Variants in RALYL observed in about 807,000 individuals in gnomAD.
RALYL encodes RALY RNA binding protein like.
A neutral mutation model predicts 35.1 loss-of-function variants in RALYL; 29 were observed. That is an observed-to-expected ratio of 0.83 (90% confidence interval 0.61 to 1.13). The LOEUF is 1.13. Ranked by LOEUF, RALYL falls within the 50% of genes most tolerant of loss-of-function variation. The pLI, the probability that RALYL is intolerant of heterozygous loss-of-function variation, is 0.00. For missense variants in RALYL, 359 were observed against 360.4 expected, an observed-to-expected ratio of 1.00 and a Z score of 0.03; for synonymous variants, 120 against 127.6, an observed-to-expected ratio of 0.94 and a Z score of 0.40.
At chr8:84,569,400 G>A (rs1026951416) in intron 2 of RALYL, among the ~76,000 whole-genome samples, 11 of 151,820 alleles carry the variant, frequency 7.2e-5, no homozygotes, top group Non-Finnish European at 2.9e-5. Flanking sequence ...CTGTCCCATT[G>A]ATCTATATTT....
chr8:84,257,506 G>C (rs930346784), intron 1 of RALYL, among the ~76,000 whole-genome samples: 2 of 152,024 alleles, frequency 1.3e-5, no homozygotes, highest in Non-Finnish European at 2.9e-5. Flanking sequence ...AAAATACCAG[G>C]TGCAGCCATA....
At chr8:84,306,999 G>A (rs1841947178) in intron 1 of RALYL, among the ~76,000 whole-genome samples, 1 of 151,938 alleles carries the variant, frequency 6.6e-6, no homozygotes, top group Non-Finnish European at 1.5e-5. Context: ...TGGGGGGAAT[G>A]ACAAGTTCTA....
At chr8:84,492,315 G>A (rs1164124833) in intron 1 of RALYL, among the ~76,000 whole-genome samples, 1 of 152,012 alleles carries the variant, frequency 6.6e-6, no homozygotes, top group Non-Finnish European at 1.5e-5. Context: ...CCTAATTTAT[G>A]CATATAATTC....
intron 2 of RALYL, among the ~76,000 whole-genome samples, chr8:84,727,562 G>C (rs1194726592): frequency 6.6e-6 from 1 of 151,532 alleles, no homozygotes; most frequent in Non-Finnish European, 1.5e-5. Context: ...ATGCTGGTGC[G>C]CTGCACCCAC....
At chr8:84,724,632 A>C (rs1844607527) in intron 2 of RALYL, among the ~76,000 whole-genome samples, 1 of 151,732 alleles carries the variant, frequency 6.6e-6, no homozygotes, top group Non-Finnish European at 1.5e-5. Flanking sequence ...GTTATTTTCC[A>C]AGTCATTTTA....
At chr8:84,409,669 C>T (rs1033127965) in intron 1 of RALYL, among the ~76,000 whole-genome samples, 2 of 151,914 alleles carry the variant, frequency 1.3e-5, no homozygotes, top group Non-Finnish European at 1.5e-5. Context: ...CTTTTTCCAT[C>T]GTATACTCCT....
intron 5 of RALYL, among the ~76,000 whole-genome samples, chr8:84,851,958 T>C (rs1835942145): frequency 6.6e-6 from 1 of 152,238 alleles, no homozygotes; most frequent in African/African-American, 2.4e-5. Context: ...TCAGTTTTGC[T>C]TATCTTTGTA....
At chr8:84,722,594 G>A in intron 2 of RALYL, among the ~76,000 whole-genome samples, 1 of 127,492 alleles carries the variant, frequency 7.8e-6, no homozygotes, top group Non-Finnish European at 1.6e-5. Context: ...ATGTCTCAAG[G>A]TCAGTATATT....
intron 1 of RALYL, among the ~76,000 whole-genome samples, chr8:84,209,473 A>T (rs1818922937): frequency 6.6e-6 from 1 of 152,210 alleles, no homozygotes; most frequent in Non-Finnish European, 1.5e-5. Flanking sequence ...GGATGGGAAC[A>T]TCTAACTCTA....
At chr8:84,914,481 CATT>C (rs1429761796) in intron 8 of RALYL, among the ~76,000 whole-genome samples, 1 of 151,912 alleles carries the variant, frequency 6.6e-6, no homozygotes, top group Non-Finnish European at 1.5e-5. Flanking sequence ...ATACAATCAT[CATT>C]ATCTTCAGAA....
At chr8:84,541,111 GAAT>G (rs2059990486) in intron 2 of RALYL, among the ~76,000 whole-genome samples, 1 of 151,190 alleles carries the variant, frequency 6.6e-6, no homozygotes, top group Admixed American at 6.6e-5. Flanking sequence ...CATTACTCTG[GAAT>G]AATATCCTTT....
intron 2 of RALYL, among the ~76,000 whole-genome samples, chr8:84,645,236 C>A (rs566898762): frequency 6.6e-6 from 1 of 151,938 alleles, no homozygotes; most frequent in Admixed American, 6.6e-5. Flanking sequence ...GTTTTCCCCC[C>A]ACTATGTTGT....
At chr8:84,513,088 T>C (rs1390219245) in intron 1 of RALYL, among the ~76,000 whole-genome samples, 1 of 152,196 alleles carries the variant, frequency 6.6e-6, no homozygotes, top group African/African-American at 2.4e-5. Context: ...GAAATTATAT[T>C]GTAACTGTAG....
intron 1 of RALYL, among the ~76,000 whole-genome samples, chr8:84,461,067 C>T (rs968319589): frequency 6.6e-6 from 1 of 151,540 alleles, no homozygotes; most frequent in South Asian, 2.1e-4. Flanking sequence ...AGTGCATATG[C>T]ATTATTTACA....
chr8:84,446,438 CT>C (rs1284719933), intron 1 of RALYL, among the ~76,000 whole-genome samples: 1 of 151,872 alleles, frequency 6.6e-6, no homozygotes, highest in South Asian at 2.1e-4. Context: ...TCTGGAAGGG[CT>C]TTTTAGGGTT....
At chr8:84,462,130 A>T (rs562114983) in intron 1 of RALYL, among the ~76,000 whole-genome samples, 12 of 148,086 alleles carry the variant, frequency 8.1e-5, no homozygotes, top group East Asian at 4.0e-4. Context: ...TTTTATTTTT[A>T]TTTTTTTTTA....
At chr8:84,252,861 T>A (rs1830465417) in intron 1 of RALYL, among the ~76,000 whole-genome samples, 1 of 152,174 alleles carries the variant, frequency 6.6e-6, no homozygotes, top group Non-Finnish European at 1.5e-5. Flanking sequence ...TTTTGAATGT[T>A]GTGTCTGTGC....
intron 5 of RALYL, among the ~76,000 whole-genome samples, chr8:84,853,438 G>A (rs1836295289): frequency 6.6e-6 from 1 of 152,170 alleles, no homozygotes; most frequent in South Asian, 2.1e-4. Flanking sequence ...ACTTGCCAAA[G>A]AACAAGAGCT....
At chr8:84,718,728 G>A (rs1191766040) in intron 2 of RALYL, among the ~76,000 whole-genome samples, 1 of 151,760 alleles carries the variant, frequency 6.6e-6, no homozygotes, top group Non-Finnish European at 1.5e-5. Flanking sequence ...TCGCACCACT[G>A]CACTCTAGCC....
Sources: allele counts gnomAD v4.1 joint callset (sites outside exome capture counted in the v4.1 genomes callset), GRCh38; gene constraint gnomAD v4.1.1; transcripts MANE v1.5; gene names NCBI Gene and HGNC (gene_info 2026-07-23, HGNC 2026-07-21).